The following ZFHX4 variants were observed in gnomAD, a reference collection of about 807,000 sequenced individuals.
ZFHX4 encodes zinc finger homeobox 4.
ZFHX4 carries 56 observed loss-of-function variants against 267.6 expected under a neutral mutation model. The observed-to-expected ratio is 0.21, with a 90% CI of 0.17 to 0.26. The LOEUF is 0.26. Among genes scored for constraint, ZFHX4 ranks in the 10% least tolerant of loss-of-function variants. The pLI is 1.00. For synonymous variants in ZFHX4, 1,778 were observed against 1,665.6 expected (o/e 1.07, Z -1.64); for missense variants, 4,332 against 4,420.0 (o/e 0.98, Z 0.56).
intron 1 of ZFHX4, among the ~76,000 whole-genome samples, chr8:76,698,082 A>G (rs1214369067): frequency 1.3e-5 from 2 of 152,184 alleles, no homozygotes; most frequent in Non-Finnish European, 1.5e-5. Flanking sequence ...CTAGCAAAAC[A>G]GTATCAAAGA....
intron 4 of ZFHX4, among the ~76,000 whole-genome samples, chr8:76,822,397 G>T (rs1204776253): frequency 6.8e-6 from 1 of 146,402 alleles, no homozygotes; most frequent in Non-Finnish European, 1.5e-5. Flanking sequence ...TGATTCCAAG[G>T]TTTTTTTCCT....
chr8:76,778,267 G>A lies in ZFHX4; in HGVS notation c.3153G>A (p.Val1051=). The change falls in exon 4 of 11, where the codon GTG becomes GTA. Residue 1051 remains valine, a synonymous_variant. Transcript: ENST00000651372. ...NPESCYYYCA[V]CDYTTKVKLN... ...AATCCTGCTATTACTACTGTGCCGT[G>A]TGTGATTACACCACCAAGGTCAAGT... 2 of 1,613,824 alleles carry A rather than the reference G, an allele frequency of 1.2e-6. No individual in the cohort carries two copies. The highest frequency in any genetic ancestry group is 1.7e-6 in the Non-Finnish European group (2 of 1,179,788).
Position 76,864,285 on chromosome 8 carries a change from A to T in ZFHX4, c.10571A>T (p.Lys3524Met). 4 of 1,613,868 alleles carry T rather than the reference A, an allele frequency of 2.5e-6. No individual in the cohort carries two copies. In the South Asian group the frequency reaches 3.3e-5, roughly 13 times the overall value. Residue 3524 changes from lysine to methionine, a missense_variant, in exon 11 of 11, where the codon AAG becomes ATG. By Grantham distance (95) the Lys-to-Met change is moderately conservative. This residue lies in a region of ZFHX4 where 1,648 missense variants were observed against 1,625.0 expected (regional missense o/e 1.01). Coordinates refer to ENST00000651372, the MANE Select transcript of ZFHX4 (RefSeq NM_024721.5). ...CCTCATCTTTCTTGCTTCTCCATGAAGTCCTGGCCTAATATCCTTTTCCAA... is the reference window on the plus strand; with the variant it reads ...CCTCATCTTTCTTGCTTCTCCATGATGTCCTGGCCTAATATCCTTTTCCAA... Reference protein sequence around the residue: ...TYPHLSCFSMKSWPNILFQAS... With the variant: ...TYPHLSCFSMMSWPNILFQAS...
chr8:76,748,739 A>C (rs1585906365), intron 3 of ZFHX4, among the ~76,000 whole-genome samples: 2 of 152,136 alleles, frequency 1.3e-5, no homozygotes, highest in Non-Finnish European at 2.9e-5. Context: ...GTTACCTCAC[A>C]CTTACACCAC....
At chr8:76,710,281 T>C (rs1808389961) in intron 3 of ZFHX4, among the ~76,000 whole-genome samples, 2 of 152,178 alleles carry the variant, frequency 1.3e-5, no homozygotes, top group South Asian at 4.1e-4. Context: ...CATTCATTAT[T>C]TCTACTAGTA....
intron 4 of ZFHX4, among the ~76,000 whole-genome samples, chr8:76,819,266 T>A (rs775491075): frequency 2.9e-4 from 44 of 151,996 alleles, no homozygotes; most frequent in Non-Finnish European, 6.2e-4. Flanking sequence ...ATTTAGAGCT[T>A]ATGTTAGCCT....
chr8:76,784,355 G>A (rs943956166), intron 4 of ZFHX4, among the ~76,000 whole-genome samples: 7 of 151,878 alleles, frequency 4.6e-5, no homozygotes, highest in Non-Finnish European at 8.8e-5. Context: ...AAAAAAAGTT[G>A]ATATGCTGTC....
intron 4 of ZFHX4, among the ~76,000 whole-genome samples, chr8:76,821,117 A>G (rs1475817996): frequency 6.7e-6 from 1 of 149,386 alleles, no homozygotes; most frequent in Non-Finnish European, 1.5e-5. Flanking sequence ...AATGTTTTTC[A>G]GACATCTACA....
At chr8:76,829,349 C>A (rs936270801) in intron 4 of ZFHX4, among the ~76,000 whole-genome samples, 4 of 151,888 alleles carry the variant, frequency 2.6e-5, no homozygotes, top group Non-Finnish European at 4.4e-5. Flanking sequence ...GATTAAATAC[C>A]TGAAAGTTGT....
intron 3 of ZFHX4, among the ~76,000 whole-genome samples, chr8:76,752,706 A>T (rs950176595): frequency 6.6e-6 from 1 of 151,724 alleles, no homozygotes; most frequent in African/African-American, 2.4e-5. Flanking sequence ...AAACAAAAAA[A>T]CACCCCATGC....
chr8:76,828,468 AAC>A (rs1811845067), intron 4 of ZFHX4, among the ~76,000 whole-genome samples: 2 of 152,318 alleles, frequency 1.3e-5, no homozygotes, highest in South Asian at 4.1e-4. Flanking sequence ...CTCTTCCATA[AAC>A]ACAGTGATTT....
intron 5 of ZFHX4, among the ~76,000 whole-genome samples, chr8:76,836,667 A>G (rs1411331792): frequency 5.3e-5 from 8 of 152,050 alleles, no homozygotes; most frequent in Non-Finnish European, 2.9e-5. Flanking sequence ...TAATTGTTTC[A>G]GCCTAGTAAG....
chr8:76,801,939 T>C (rs1811127845), intron 4 of ZFHX4, among the ~76,000 whole-genome samples: 1 of 152,124 alleles, frequency 6.6e-6, no homozygotes, highest in Non-Finnish European at 1.5e-5. Flanking sequence ...ATTGAGGAGA[T>C]GGGCAGAGGA....
At chr8:76,787,977 T>A (rs1485237531) in intron 4 of ZFHX4, among the ~76,000 whole-genome samples, 1 of 152,132 alleles carries the variant, frequency 6.6e-6, no homozygotes, top group Non-Finnish European at 1.5e-5. Context: ...CCAAGCCCAA[T>A]TATTCCTCAG....
intron 10 of ZFHX4, among the ~76,000 whole-genome samples, chr8:76,860,683 A>G (rs1412669981): frequency 6.6e-6 from 1 of 152,120 alleles, no homozygotes; most frequent in Non-Finnish European, 1.5e-5. Context: ...TACCAATGTA[A>G]TATTTTAGCA....
At position 76,851,190 on chromosome 8, in the gene ZFHX4, T is replaced by C; in HGVS notation, c.4269T>C (p.Ala1423=). Residue 1423 remains alanine, a synonymous_variant, in exon 10 of 11, where the codon GCT becomes GCC. Transcript: ENST00000651372. The part of the protein sequence containing the change: ...QIHSQYHAIR[A]ATMCNLCQRS... ...ATTCCCAGTATCATGCAATTCGGGC[T>C]GCGACAATGTGTAACCTCTGCCAGC... 6.2e-7 allele frequency: 1 copy of C among 1,613,946 alleles called. No homozygotes were observed. The highest frequency in any genetic ancestry group is 8.5e-7 in the Non-Finnish European group (1 of 1,179,872).
Position 76,852,569 on chromosome 8 carries a change from A to G in ZFHX4, c.5648A>G (p.Lys1883Arg). ...ISEGEGLKEG[K>R]DTKKQKSLEP... is the part of the protein sequence containing the mutation. ...GAAGGTGAAGGACTCAAAGAAGGCA[A>G]AGACACAAAGAAGCAAAAATCCTTG... The change falls in exon 10 of 11, where the codon AAA (lysine) becomes AGA (arginine). Residue 1883 changes from lysine (K) to arginine (R), a missense_variant. Around this residue, in one of 7 missense-constraint regions of ZFHX4, gnomAD observed 1,371 missense variants for 1,423.1 expected, o/e 0.96. Transcript: ENST00000651372. 6.2e-7 allele frequency: 1 copy of G among 1,611,532 alleles called. No homozygotes were observed. The highest frequency in any genetic ancestry group is 8.5e-7 in the Non-Finnish European group (1 of 1,178,668).
chr8:76,786,459 A>G (rs1277454746), intron 4 of ZFHX4, among the ~76,000 whole-genome samples: 8 of 151,538 alleles, frequency 5.3e-5, no homozygotes. Flanking sequence ...TTTATAACAC[A>G]TAGTTCAATG....
In ZFHX4 at chr8:76,716,913, T is replaced by C. The variant is rs543039054; in HGVS notation, c.3093+8865T>C. Among the ~76,000 whole-genome samples the C allele has an allele frequency of 3.3e-5, 5 of 152,348 alleles. No individual in the cohort carries two copies. In the East Asian group the frequency reaches 7.7e-4, roughly 24 times the overall value. On this transcript the variant is annotated intron_variant, in intron 3 of 10. Transcript: ENST00000651372. ...TCACTTCTAGTGCCTGAGCTCTCAG[T>C]GTTTGCAAGTTAAGCACCTTTGGAA...
Sources: allele counts gnomAD v4.1 joint callset (sites outside exome capture counted in the v4.1 genomes callset), GRCh38; gene constraint gnomAD v4.1.1; regional missense constraint gnomAD v4.1.1; transcripts MANE v1.5; gene names NCBI Gene and HGNC (gene_info 2026-07-23, HGNC 2026-07-21).